Variants in NEB observed in about 807,000 individuals in gnomAD.
The protein encoded by NEB is nemaline myopathy type 2.
A neutral mutation model predicts 952.2 loss-of-function variants in NEB; 512 were observed. The ratio of observed to expected loss-of-function variants is 0.54; its 90% confidence interval spans 0.50 to 0.58. NEB has a LOEUF of 0.58. Ranked by LOEUF, NEB falls within the 20% of genes least tolerant of loss-of-function variation. The probability of loss-of-function intolerance (pLI) is 0.00; values close to 1 mark genes in which losing one functional copy is unlikely to be tolerated. For missense variants in NEB, 8,428 were observed against 9,231.1 expected (o/e 0.91, Z 3.56); for synonymous variants, 2,900 against 3,149.8 (o/e 0.92, Z 2.66).
In NEB at chr2:151,540,368, C is replaced by G. The variant is rs1200370801; in HGVS notation, c.20868G>C (p.Lys6956Asn). 1 of 1,583,556 alleles carries G rather than the reference C, an allele frequency of 6.3e-7. No individual in the cohort carries two copies. ...CATCACTGGCATTCCAGTAAGCCCT[C>G]TTGGCTCTGATGAGGATTGGCGTAT... ...VPDTPILIRA[K>N]RAYWNASDLR... The change falls in exon 138 of 182, where the codon AAG (lysine) becomes AAC (asparagine). Residue 6956 changes from lysine to asparagine, a missense_variant. Physicochemically the swap from Lys to Asn is moderately conservative, Grantham distance 94 (BLOSUM62 0). Around this residue, in one of 11 missense-constraint regions of NEB, gnomAD observed 3,374 missense variants for 3,651.5 expected, o/e 0.92. Transcript: ENST00000397345.
At chr2:151,657,199 C>T (rs1016548319) in intron 48 of NEB, among the ~76,000 whole-genome samples, 1 of 151,904 alleles carries the variant, frequency 6.6e-6, no homozygotes, top group Non-Finnish European at 1.5e-5. Context: ...TTGGAGTTCT[C>T]AGGATAATAA....
intron 11 of NEB, 34 bp downstream of exon 11, chr2:151,710,400 A>G (rs1479981227): frequency 6.8e-7 from 1 of 1,470,628 alleles, no homozygotes. Flanking sequence ...TCTCCCTCCC[A>G]GGATGACCAA....
chr2:151,485,839 T>A lies in NEB; in HGVS notation c.25499A>T (p.Asp8500Val). The A allele has an allele frequency of 6.2e-7, 1 of 1,614,114 alleles. No individual in the cohort carries two copies. Among genetic ancestry groups the A allele is most frequent in the Non-Finnish European group, 8.5e-7 (1 of 1,179,940 alleles). ...GDAIINVQAI[D>V]EGWMYGTVQR... Reference sequence around the variant, plus strand: ...CACAGTGCCATACATCCAGCCTTCATCAATTGCTTGAACATTTATGATGGC... The same window carrying A: ...CACAGTGCCATACATCCAGCCTTCAACAATTGCTTGAACATTTATGATGGC... Residue 8500 changes from aspartate (D) to valine (V), a missense_variant, in exon 182 of 182, where the codon GAT (aspartate) becomes GTT (valine). Around this residue, in one of 11 missense-constraint regions of NEB, gnomAD observed 3,374 missense variants for 3,651.5 expected, o/e 0.92. Coordinates refer to ENST00000397345, the MANE Select transcript of NEB (RefSeq NM_001164508.2).
At chr2:151,614,212 C>G (rs1221151191) in intron 77 of NEB, 64 bp downstream of exon 77, 11 of 1,561,640 alleles carry the variant, frequency 7.0e-6, no homozygotes, top group African/African-American at 1.4e-5. Context: ...TGGAAAGATT[C>G]CATGGCACAA....
rs201683981 is a variant in NEB, at chr2:151,498,378, CA to C, written c.24115-27del. ...CTGTATGATGAGAAAGCATCCAGAA[CA>C]AAAAAAGCAATCAATCAGTCATTTT... is the stretch of plus-strand genomic sequence containing the variant. On this transcript the variant is annotated intron_variant, in intron 169 of 181. Coordinates refer to ENST00000397345, the MANE Select transcript of NEB (RefSeq NM_001164508.2). The C allele has an allele frequency of 8.7e-5, 128 of 1,472,776 alleles. 1 individual carries two copies. In the East Asian group the frequency reaches 1.5e-3, roughly 17 times the overall value. The allele number at this position is 1,472,776 out of a possible 1,614,324, so 91.2% of individuals were successfully genotyped here.
At chr2:151,604,118 G>T (rs2097588663) in intron 85 of NEB, among the ~76,000 whole-genome samples, 1 of 120,608 alleles carries the variant, frequency 8.3e-6, no homozygotes. Context: ...ACATCAGTTG[G>T]ATCTTAGGAG....
At chr2:151,665,220 G>T in intron 42 of NEB, 113 bp downstream of exon 42, 1 of 988,130 alleles carries the variant, frequency 1.0e-6, no homozygotes, top group Non-Finnish European at 1.5e-6. Context: ...TCCCACCACC[G>T]GCACGAAGAC....
Position 151,672,519 on chromosome 2 carries a change from G to C in NEB, c.4149C>G (p.Thr1383=). ...NYENTKTSYH[T]PGDMVSITAA... is the part of the protein sequence containing the mutation. ...CTGTGATGCTAACCATGTCCCCAGG[G>C]GTATGGTAGCTGGTTTTGGTGTTCT... Residue 1383 remains threonine, a synonymous_variant, in exon 37 of 182, where the codon ACC becomes ACG. Transcript: ENST00000397345. The C allele has an allele frequency of 6.2e-7, 1 of 1,613,940 alleles. No homozygotes were observed. The highest frequency in any genetic ancestry group is 1.3e-5 in the African/African-American group (1 of 75,038).
chr2:151,545,810 G>A, intron 135 of NEB, 78 bp downstream of exon 135: 1 of 836,452 alleles, frequency 1.2e-6, no homozygotes, highest in Non-Finnish European at 1.9e-6. Flanking sequence ...ATCACTAGAG[G>A]AACTAAGAGC....
rs767493706 is a variant in NEB, at chr2:151,677,768, C to T, written c.3571G>A (p.Val1191Ile). Residue 1191 changes from valine (V) to isoleucine (I), a missense_variant, in exon 34 of 182, where the codon GTC (valine) becomes ATC (isoleucine). By Grantham distance (29) the Val-to-Ile change is conservative. Transcript: ENST00000397345. ...KNMMQIQSDNVYKEDYNNWMK... is the reference protein window; with the variant it reads ...KNMMQIQSDNIYKEDYNNWMK... ...CAGTTGTTGTAGTCTTCCTTGTAGA[C>T]GTTCTACAGCAATGGAGAAAAGAGG... is the stretch of plus-strand genomic sequence containing the variant. 4.8e-5 allele frequency: 78 copies of T among 1,613,806 alleles called. No individual in the cohort carries two copies. The highest frequency in any genetic ancestry group is 5.6e-5 in the Non-Finnish European group (66 of 1,179,838).
chr2:151,697,484 T>C (rs1264720552), intron 14 of NEB, 27 bp from the exon 15 acceptor site: 1 of 1,607,004 alleles, frequency 6.2e-7, no homozygotes, highest in Non-Finnish European at 8.5e-7. Flanking sequence ...ACTTCATTTA[T>C]TAATTGGTGA....
chr2:151,644,205 A>G lies in NEB; in HGVS notation c.7645-76T>C, dbSNP rs1056745847. The G allele has an allele frequency of 1.5e-5, 23 of 1,540,586 alleles. No homozygotes were observed. The Admixed American group carries it at 4.1e-4, about 27-fold the overall frequency. ...ATCTTTGTGGCAAATTACAAAGCGCATTAACTCTAAATATTTTACTAAGCC... is the reference window on the plus strand; with the variant it reads ...ATCTTTGTGGCAAATTACAAAGCGCGTTAACTCTAAATATTTTACTAAGCC... On this transcript the variant is annotated intron_variant, in intron 56 of 181. Transcript: ENST00000397345.
At chr2:151,669,734 G>C (rs2099263122) in intron 38 of NEB, among the ~76,000 whole-genome samples, 1 of 152,174 alleles carries the variant, frequency 6.6e-6, no homozygotes, top group Non-Finnish European at 1.5e-5. Context: ...GATGAGTTTA[G>C]ATTTCACTTC....
At chr2:151,695,023 T>C (rs1232351277) in intron 18 of NEB, among the ~76,000 whole-genome samples, 1 of 152,224 alleles carries the variant, frequency 6.6e-6, no homozygotes, top group Non-Finnish European at 1.5e-5. Context: ...TACTCAGTGA[T>C]GCCAGATAAT....
At chr2:151,495,330 A>G (rs1011081693) in intron 173 of NEB, 62 of 152,238 alleles carry the variant, frequency 4.1e-4, no homozygotes, top group African/African-American at 1.3e-3. Context: ...CAGCAAGGTC[A>G]GTAATGAGAA....
At chr2:151,672,316 G>A in intron 37 of NEB, 53 bp downstream of exon 37, 1 of 1,465,040 alleles carries the variant, frequency 6.8e-7, no homozygotes, top group Non-Finnish European at 9.2e-7. Flanking sequence ...AAAGCGAGAA[G>A]TGATCATCCT....
intron 120 of NEB, 133 bp from the exon 121 acceptor site, chr2:151,562,347 G>T: frequency 1.2e-6 from 1 of 818,368 alleles, no homozygotes; most frequent in Non-Finnish European, 2.0e-6. Flanking sequence ...CCAGCTGGAA[G>T]GTCTTTAATT....
intron 41 of NEB, 96 bp downstream of exon 41, chr2:151,665,994 A>G (rs2099211983): frequency 8.0e-7 from 1 of 1,254,742 alleles, no homozygotes; most frequent in Non-Finnish European, 1.1e-6. Context: ...ATCCTTAATT[A>G]CAGTGAGTGC....
intron 173 of NEB, among the ~76,000 whole-genome samples, chr2:151,495,978 T>C (rs1196942797): frequency 6.6e-6 from 1 of 152,122 alleles, no homozygotes; most frequent in Admixed American, 6.6e-5. Context: ...TTCAAGCATA[T>C]CTAAAACAAA....
Sources: allele counts gnomAD v4.1 joint callset (sites outside exome capture counted in the v4.1 genomes callset), GRCh38; gene constraint gnomAD v4.1.1; regional missense constraint gnomAD v4.1.1; transcripts MANE v1.5; gene names NCBI Gene and HGNC (gene_info 2026-07-23, HGNC 2026-07-21).